DIP2B: variants seen among roughly 807,000 people sequenced by gnomAD.
DIP2B encodes DIP2 acetate--CoA ligase B (putative).
Under a neutral mutation model 198.0 loss-of-function variants are expected in DIP2B, and 76 were observed. That is an observed-to-expected ratio of 0.38 (90% CI 0.32 to 0.46). The LOEUF (loss-of-function observed/expected upper bound fraction) is 0.46, where lower values mean the gene tolerates loss of function less well. DIP2B is among the 20% of genes least tolerant of loss of function. The pLI is 0.99. For missense variants in DIP2B, 1,559 were observed against 1,978.4 expected (o/e 0.79, Z 4.02); for synonymous variants, 701 against 739.1 (o/e 0.95, Z 0.84).
chr12:50,724,947 C>T, intron 28 of DIP2B, 61 bp downstream of exon 28: 11 of 1,503,694 alleles, frequency 7.3e-6, no homozygotes, highest in South Asian at 2.3e-5. Context: ...CTGAGATCTC[C>T]TCCATTCTCA....
intron 1 of DIP2B, among the ~76,000 whole-genome samples, chr12:50,621,949 G>C (rs1164781260): frequency 6.6e-6 from 1 of 152,220 alleles, no homozygotes; most frequent in Non-Finnish European, 1.5e-5. Context: ...GTGGTTAGTA[G>C]TTGATTAATA....
intron 1 of DIP2B, among the ~76,000 whole-genome samples, chr12:50,518,223 CT>C (rs11303099): frequency 0.92 from 121,506 of 132,650 alleles, 56,176 homozygotes; most frequent in East Asian, 0.99. Flanking sequence ...TCTTGGGCAA[CT>C]TTTTTTTTTT....
intron 36 of DIP2B, among the ~76,000 whole-genome samples, chr12:50,740,536 T>C (rs1209059312): frequency 6.6e-6 from 1 of 152,252 alleles, no homozygotes; most frequent in African/African-American, 2.4e-5. Flanking sequence ...CATTCACTGC[T>C]ATGTTTCTCT....
At chr12:50,621,069 T>C (rs762112944) in intron 1 of DIP2B, among the ~76,000 whole-genome samples, 1 of 152,228 alleles carries the variant, frequency 6.6e-6, no homozygotes, top group Non-Finnish European at 1.5e-5. Context: ...CTTGGGAGAA[T>C]CTTAAAAATT....
intron 3 of DIP2B, among the ~76,000 whole-genome samples, chr12:50,642,650 G>A (rs7974932): frequency 1.3e-5 from 2 of 152,176 alleles, no homozygotes; most frequent in East Asian, 1.9e-4. Flanking sequence ...TTAGCTGGAT[G>A]TGGTGGCAGG....
chr12:50,530,237 T>C (rs573364662), intron 1 of DIP2B, among the ~76,000 whole-genome samples: 5 of 152,226 alleles, frequency 3.3e-5, no homozygotes, highest in African/African-American at 1.2e-4. Flanking sequence ...CCATCACGCC[T>C]GGCTAATTTT....
At chr12:50,688,750 G>A (rs568822490) in intron 12 of DIP2B, among the ~76,000 whole-genome samples, 2 of 152,220 alleles carry the variant, frequency 1.3e-5, no homozygotes, top group Admixed American at 6.5e-5. Context: ...TTCATCACTC[G>A]GTCCTCCTTA....
At chr12:50,529,823 T>A (rs1428732179) in intron 1 of DIP2B, among the ~76,000 whole-genome samples, 2 of 151,718 alleles carry the variant, frequency 1.3e-5, no homozygotes, top group African/African-American at 2.4e-5. Context: ...CATGCCATTG[T>A]ACTCCAGCCT....
At chr12:50,579,720 C>A (rs1489358168) in intron 1 of DIP2B, among the ~76,000 whole-genome samples, 77 of 106,368 alleles carry the variant, frequency 7.2e-4, no homozygotes, top group South Asian at 1.9e-3. Context: ...TATATATATA[C>A]ATAGCTTCAT....
chr12:50,589,050 G>A (rs1440599544), intron 1 of DIP2B, among the ~76,000 whole-genome samples: 4 of 151,494 alleles, frequency 2.6e-5, no homozygotes, highest in South Asian at 2.1e-4. Context: ...CGGGTGTGGT[G>A]GCGGGCACCT....
In DIP2B at chr12:50,741,691, G is replaced by T. The variant is rs1565888097; in HGVS notation, c.4478+152G>T. 5.3e-6 allele frequency: 6 copies of T among 1,131,134 alleles called. No individual in the cohort carries two copies. The South Asian group carries it at 8.2e-5, about 16-fold the overall frequency. 70.1% of individuals were successfully genotyped at this position (1,131,134 alleles called of 1,614,324 possible). On this transcript the variant is annotated intron_variant, in intron 37 of 37. Transcript: ENST00000301180. Reference sequence around the variant, plus strand: ...AAATAGACTGATTCTTGTCTTGGGTGTGCAATCTGCTGTGGCCAACAAAGC... The same window carrying T: ...AAATAGACTGATTCTTGTCTTGGGTTTGCAATCTGCTGTGGCCAACAAAGC...
At chr12:50,626,103 G>T (rs1462405999) in intron 2 of DIP2B, 56 bp downstream of exon 2, 1 of 1,546,598 alleles carries the variant, frequency 6.5e-7, no homozygotes, top group Middle Eastern at 1.7e-4. Context: ...AAAAGATGCT[G>T]TCTTACAAGA....
chr12:50,631,044 A>T (rs1230978891), intron 2 of DIP2B, among the ~76,000 whole-genome samples: 1 of 152,090 alleles, frequency 6.6e-6, no homozygotes, highest in Non-Finnish European at 1.5e-5. Flanking sequence ...TTACTGTTTT[A>T]TGTAGTTAAC....
chr12:50,739,348 C>T (rs1038050798), intron 35 of DIP2B, 61 bp from the exon 36 acceptor site: 85 of 1,532,226 alleles, frequency 5.5e-5, no homozygotes, highest in Non-Finnish European at 7.3e-5. Context: ...TAACCTGATC[C>T]AAGAGAATTA....
At chr12:50,551,150 G>A (rs903877202) in intron 1 of DIP2B, among the ~76,000 whole-genome samples, 3 of 151,548 alleles carry the variant, frequency 2.0e-5, no homozygotes, top group African/African-American at 7.3e-5. Context: ...GAGGCCGGGC[G>A]TGGTGGCTCA....
At chr12:50,518,659 C>G (rs533854080) in intron 1 of DIP2B, among the ~76,000 whole-genome samples, 6 of 152,346 alleles carry the variant, frequency 3.9e-5, no homozygotes, top group East Asian at 1.9e-4. Flanking sequence ...CTCCATCTCC[C>G]TGAATCTTGT....
Position 50,640,808 on chromosome 12 carries a change from A to T in DIP2B, c.257A>T (p.His86Leu). The T allele has an allele frequency of 6.2e-7, 1 of 1,613,930 alleles. No individual in the cohort carries two copies. Among genetic ancestry groups the T allele is most frequent in the Non-Finnish European group, 8.5e-7 (1 of 1,179,872 alleles). Residue 86 changes from histidine (H) to leucine (L), a missense_variant, in exon 3 of 38, where the codon CAC becomes CTC. Physicochemically the swap from His to Leu is moderately conservative, Grantham distance 99 (BLOSUM62 -3). Coordinates refer to ENST00000301180, the MANE Select transcript of DIP2B (RefSeq NM_173602.3). Reference protein sequence around the residue: ...AAQTSAPSKYHRTRSGGARDE... With the variant: ...AAQTSAPSKYLRTRSGGARDE... ...CAAACTTCTGCTCCCTCTAAGTACC[A>T]CCGAACTCGATCTGGGGGAGCCAGG...
intron 1 of DIP2B, among the ~76,000 whole-genome samples, chr12:50,525,934 T>G (rs1177038687): frequency 6.6e-6 from 1 of 152,198 alleles, no homozygotes; most frequent in Non-Finnish European, 1.5e-5. Flanking sequence ...CTCCCATCAT[T>G]CTTCATCTCA....
intron 26 of DIP2B, among the ~76,000 whole-genome samples, 163 bp from the exon 27 acceptor site, chr12:50,723,039 T>TC (rs770944830): frequency 7.2e-5 from 11 of 152,222 alleles, no homozygotes; most frequent in Non-Finnish European, 1.6e-4. Flanking sequence ...TTTATATGCT[T>TC]CCTTCTTTCA....
Sources: gnomAD v4.1 joint callset for allele counts (sites outside exome capture counted in the v4.1 genomes callset) on GRCh38, gnomAD v4.1.1 for gene constraint, MANE v1.5 for transcripts, NCBI Gene and HGNC (gene_info 2026-07-23, HGNC 2026-07-21) for gene names.